Variants in ARID1B observed in about 807,000 individuals in gnomAD.
The protein encoded by ARID1B is AT-rich interaction domain 1B.
In ARID1B, 30 loss-of-function variants were observed where a neutral mutation model predicts 212.3. The ratio of observed to expected loss-of-function variants is 0.14; its 90% CI spans 0.11 to 0.19. The LOEUF (loss-of-function observed/expected upper bound fraction) is 0.19, where lower values mean the gene tolerates loss of function less well. Ranked by LOEUF, ARID1B falls within the 10% of genes least tolerant of loss-of-function variation. The probability of loss-of-function intolerance (pLI) is 1.00; values close to 1 mark genes in which losing one functional copy is unlikely to be tolerated. For synonymous variants in ARID1B, 1,402 were observed against 1,301.7 expected (o/e 1.08, Z -1.66); for missense variants, 2,891 against 3,204.0 (o/e 0.90, Z 2.36).
intron 5 of ARID1B, among the ~76,000 whole-genome samples, chr6:157,092,051 TA>T (rs1413978001): frequency 6.6e-6 from 1 of 152,102 alleles, no homozygotes; most frequent in African/African-American, 2.4e-5. Context: ...AAAAAAAAAT[TA>T]ACACAAAATG....
chr6:157,110,372 T>G, intron 5 of ARID1B, 100 bp from the exon 6 acceptor site: 3 of 994,070 alleles, frequency 3.0e-6, no homozygotes, highest in Non-Finnish European at 4.8e-6. Flanking sequence ...ATACCTTTTG[T>G]GATCATAAAA....
intron 2 of ARID1B, among the ~76,000 whole-genome samples, chr6:156,854,052 G>A (rs913202744): frequency 6.6e-6 from 1 of 152,092 alleles, no homozygotes; most frequent in African/African-American, 2.4e-5. Context: ...ATTTTTGTGA[G>A]GTTAAATGAG....
At chr6:157,005,598 T>A (rs1399015100) in intron 4 of ARID1B, among the ~76,000 whole-genome samples, 1 of 152,182 alleles carries the variant, frequency 6.6e-6, no homozygotes, top group East Asian at 1.9e-4. Context: ...TGGTAAAACT[T>A]CTTTCTCCAC....
At position 156,845,056 on chromosome 6, in the gene ARID1B, A is replaced by G. The variant is rs549269580; in HGVS notation, c.1986+15635A>G. 3.7e-4 allele frequency among the ~76,000 whole-genome samples: 32 copies of G among 87,594 alleles called. 1 individual carries two copies. The highest frequency in any genetic ancestry group is 6.6e-4 in the Non-Finnish European group (26 of 39,192). 57.5% of individuals were successfully genotyped at this position (87,594 alleles called of 152,430 possible). On this transcript the variant is annotated intron_variant, in intron 2 of 19. Transcript: ENST00000636930. Reference sequence around the variant, plus strand: ...CCTTCCCGTGTCTGGGGAGATGTCCACATGTAAAAAGCTCTGTCTCCGTAA... The same window carrying G: ...CCTTCCCGTGTCTGGGGAGATGTCCGCATGTAAAAAGCTCTGTCTCCGTAA...
chr6:156,869,620 T>C (rs1785963753), intron 2 of ARID1B, among the ~76,000 whole-genome samples: 1 of 152,232 alleles, frequency 6.6e-6, no homozygotes, highest in Admixed American at 6.5e-5. Context: ...TATTTTATCA[T>C]GCTTTTCTTC....
chr6:156,856,658 GT>G (rs1784949335), intron 2 of ARID1B, among the ~76,000 whole-genome samples: 1 of 145,144 alleles, frequency 6.9e-6, no homozygotes, highest in African/African-American at 2.6e-5. Flanking sequence ...TCCTGTGTGT[GT>G]GGGCATGCAT....
chr6:157,007,897 C>T (rs1359470892), intron 4 of ARID1B, among the ~76,000 whole-genome samples: 3 of 152,054 alleles, frequency 2.0e-5, no homozygotes, highest in East Asian at 3.9e-4. Flanking sequence ...AGGATGGTCT[C>T]GATCTCCTGA....
At chr6:157,053,679 T>A (rs1782750470) in intron 4 of ARID1B, among the ~76,000 whole-genome samples, 1 of 152,208 alleles carries the variant, frequency 6.6e-6, no homozygotes, top group African/African-American at 2.4e-5. Flanking sequence ...TTTATGAGAT[T>A]AGGAAAAGAA....
chr6:156,944,802 G>A (rs1792943698), intron 4 of ARID1B, among the ~76,000 whole-genome samples: 1 of 152,182 alleles, frequency 6.6e-6, no homozygotes, highest in South Asian at 2.1e-4. Context: ...ATGAATGGAA[G>A]TAGTAGCAAC....
At chr6:157,147,061 C>CT (rs1216931139) in intron 7 of ARID1B, among the ~76,000 whole-genome samples, 1 of 152,056 alleles carries the variant, frequency 6.6e-6, no homozygotes, top group African/African-American at 2.4e-5. Flanking sequence ...AGCACTTAAC[C>CT]AAGTGCCCAG....
chr6:157,116,410 C>T (rs900964569), intron 6 of ARID1B, among the ~76,000 whole-genome samples: 3 of 150,366 alleles, frequency 2.0e-5, no homozygotes, highest in African/African-American at 7.4e-5. Flanking sequence ...ATGTTAATGC[C>T]GGTGATTTTC....
Position 156,827,537 on chromosome 6 carries a change from T to C in ARID1B, c.1792-1690T>C, listed in dbSNP as rs376458824. 1.1e-3 allele frequency among the ~76,000 whole-genome samples: 168 copies of C among 152,328 alleles called. 7 individuals are homozygous for C. The South Asian group carries it at 0.033, about 30-fold the overall frequency. On this transcript the variant is annotated intron_variant, in intron 1 of 19. Transcript: ENST00000636930. ...TCAGAGGCAGCCTGAGCCTGTAGAA[T>C]GCCCTGCAGGGCTCACCCATGTTCT...
chr6:157,141,595 G>A (rs1268038737), intron 7 of ARID1B, among the ~76,000 whole-genome samples: 1 of 152,180 alleles, frequency 6.6e-6, no homozygotes, highest in Admixed American at 6.5e-5. Flanking sequence ...GATCTAAGTA[G>A]AAAGATAGAA....
chr6:157,008,562 T>C (rs1393213644), intron 4 of ARID1B, among the ~76,000 whole-genome samples: 1 of 152,078 alleles, frequency 6.6e-6, no homozygotes, highest in East Asian at 1.9e-4. Flanking sequence ...CAGACATCAT[T>C]CTCTGACTTG....
intron 8 of ARID1B, among the ~76,000 whole-genome samples, chr6:157,153,915 CA>C (rs753851198): frequency 6.6e-6 from 1 of 152,214 alleles, no homozygotes; most frequent in African/African-American, 2.4e-5. Flanking sequence ...GCTGGGATTA[CA>C]GGCGTGAGCC....
intron 4 of ARID1B, among the ~76,000 whole-genome samples, chr6:157,064,046 C>T (rs1172118894): frequency 1.3e-5 from 2 of 152,210 alleles, no homozygotes; most frequent in Non-Finnish European, 2.9e-5. Flanking sequence ...TTTGTGGCAT[C>T]CGACTAGGCT....
chr6:156,886,098 C>T (rs533327347), intron 2 of ARID1B, among the ~76,000 whole-genome samples: 4 of 152,270 alleles, frequency 2.6e-5, no homozygotes, highest in South Asian at 4.1e-4. Context: ...GCTTGAAATC[C>T]AAGACACTTC....
At chr6:157,183,002 A>G (rs1171427146) in intron 12 of ARID1B, among the ~76,000 whole-genome samples, 4 of 152,158 alleles carry the variant, frequency 2.6e-5, no homozygotes, top group Non-Finnish European at 5.9e-5. Context: ...GACTGTGTCC[A>G]CAGTATATAT....
At chr6:157,193,506 T>C (rs1793525943) in intron 15 of ARID1B, 1 of 152,194 alleles carries the variant, frequency 6.6e-6, no homozygotes, top group African/African-American at 2.4e-5. Flanking sequence ...GTGTGTCATG[T>C]TGTCAGCTAG....
Sources: gnomAD v4.1 joint callset for allele counts (sites outside exome capture counted in the v4.1 genomes callset) on GRCh38, gnomAD v4.1.1 for gene constraint, MANE v1.5 for transcripts, NCBI Gene and HGNC (gene_info 2026-07-23, HGNC 2026-07-21) for gene names.